The following PRR27 variants were observed in gnomAD, a reference collection of about 807,000 sequenced individuals.
PRR27 encodes proline-rich protein 27.
A neutral mutation model predicts 16.8 loss-of-function variants in PRR27; 12 were observed. The ratio of observed to expected loss-of-function variants is 0.71; its 90% CI spans 0.46 to 1.16. The LOEUF is 1.16. PRR27 is among the 50% of genes most tolerant of loss of function. The pLI, the probability that PRR27 is intolerant of heterozygous loss-of-function variation, is 0.00. For missense variants in PRR27, 277 were observed against 273.3 expected, an observed-to-expected ratio of 1.01 and a Z score of -0.10; for synonymous variants, 100 against 98.4, an observed-to-expected ratio of 1.02 and a Z score of -0.10.
rs1230581327 is a variant in PRR27 at position 70,163,717 on chromosome 4, C to G, written c.*1056C>G. 6.6e-6 allele frequency: 1 copy of G among 152,170 alleles called. No individual in the cohort carries two copies. The highest frequency in any genetic ancestry group is 1.5e-5 in the Non-Finnish European group (1 of 68,052). 9.4% of individuals were successfully genotyped at this position (152,170 alleles called of 1,614,324 possible). A position where few individuals can be genotyped will look rare whatever the true frequency, so the allele number is the denominator to read the frequency against. Reference sequence around the variant, plus strand: ...AGTCACAATCAGATGTTAAACCAAACATTATTCAGATAAGATCTCTGAAAA... The same window carrying G: ...AGTCACAATCAGATGTTAAACCAAAGATTATTCAGATAAGATCTCTGAAAA... On this transcript the variant is annotated 3_prime_UTR_variant, in exon 5 of 5. Coordinates refer to ENST00000344526, the MANE Select transcript of PRR27 (RefSeq NM_214711.4).
At chr4:70,154,468 A>G (rs1483944910) in intron 1 of PRR27, 42 bp downstream of exon 1, 3 of 1,474,582 alleles carry the variant, frequency 2.0e-6, no homozygotes, top group Admixed American at 1.7e-5. Context: ...TTGTATAACC[A>G]TTTGCTAATT....
chr4:70,160,435 C>CTG (rs1182486828), intron 3 of PRR27, among the ~76,000 whole-genome samples: 29 of 32,096 alleles, frequency 9.0e-4, no homozygotes, highest in South Asian at 4.7e-3. Context: ...CTCTCTCTCT[C>CTG]TCTCTCTCTG....
Position 70,164,153 on chromosome 4 carries a change from G to A in PRR27, c.*1492G>A, listed in dbSNP as rs1728711193. On this transcript the variant is annotated 3_prime_UTR_variant, in exon 5 of 5. Transcript: ENST00000344526. ...TTATTTGTGTATTGTCTTTGTTGTT[G>A]CCCTCATCTTATCTCCACAAAAATA... 1 of 151,876 alleles carries A rather than the reference G, an allele frequency of 6.6e-6. No homozygotes were observed. Among genetic ancestry groups the A allele is most frequent in the Admixed American group, 6.6e-5 (1 of 15,228 alleles). 9.4% of individuals were successfully genotyped at this position (151,876 alleles called of 1,614,324 possible).
Position 70,158,826 on chromosome 4 carries a change from G to A in PRR27, c.574G>A (p.Glu192Lys), listed in dbSNP as rs1728563780. 3 of 1,613,802 alleles carry A rather than the reference G, an allele frequency of 1.9e-6. No homozygotes were observed. Among genetic ancestry groups the A allele is most frequent in the Non-Finnish European group, 1.7e-6 (2 of 1,179,918 alleles). ...TGTTGGAGTGGAGCCAGCTGCAGAGGAACCTTCACCAGCTGAGCCTGCTAC... is the reference window on the plus strand; with the variant it reads ...TGTTGGAGTGGAGCCAGCTGCAGAGAAACCTTCACCAGCTGAGCCTGCTAC... The part of the protein sequence containing the change: ...APVGVEPAAE[E>K]PSPAEPATAK... Residue 192 changes from glutamate (E) to lysine (K), a missense_variant, in exon 3 of 5, where the codon GAA becomes AAA. Physicochemically the swap from Glu to Lys is moderately conservative, Grantham distance 56. Transcript: ENST00000344526.
intron 2 of PRR27, 24 bp downstream of exon 2, chr4:70,156,101 G>A (rs375158289): frequency 6.4e-5 from 84 of 1,305,926 alleles, no homozygotes; most frequent in Admixed American, 2.5e-4. Context: ...TTCTTTACAC[G>A]CAAGTATATT....
chr4:70,158,990 A>G (rs1187740099), intron 3 of PRR27, 90 bp downstream of exon 3: 3 of 1,153,120 alleles, frequency 2.6e-6, no homozygotes, highest in Non-Finnish European at 3.7e-6. Flanking sequence ...GCAAATCTAT[A>G]TCAACTTAAA....
At chr4:70,162,288 G>T (rs565260041) in intron 4 of PRR27, among the ~76,000 whole-genome samples, 1 of 152,248 alleles carries the variant, frequency 6.6e-6, no homozygotes, top group East Asian at 1.9e-4. Flanking sequence ...TTATTTCTGA[G>T]GTGACATCAC....
Position 70,158,627 on chromosome 4 carries a change from T to C in PRR27, c.375T>C (p.Ala125=). The change falls in exon 3 of 5, where the codon GCT becomes GCC. Residue 125 remains alanine (A), a synonymous_variant. Transcript: ENST00000344526. ...SRFFSAAAAP[A]APPIAAEPAA... is the part of the protein sequence containing the mutation. ...TTTTTTCAGCAGCTGCAGCACCCGC[T>C]GCCCCACCTATTGCAGCTGAGCCTG... 3.7e-6 allele frequency: 6 copies of C among 1,614,090 alleles called. No individual in the cohort carries two copies. The highest frequency in any genetic ancestry group is 5.1e-6 in the Non-Finnish European group (6 of 1,180,008).
intron 2 of PRR27, among the ~76,000 whole-genome samples, chr4:70,157,119 C>T (rs1438251615): frequency 6.6e-6 from 1 of 151,980 alleles, no homozygotes; most frequent in Non-Finnish European, 1.5e-5. Flanking sequence ...TATGTCATAC[C>T]TCAGGGGGCT....
At chr4:70,155,443 C>A (rs1353676813) in intron 1 of PRR27, among the ~76,000 whole-genome samples, 1 of 151,750 alleles carries the variant, frequency 6.6e-6, no homozygotes, top group African/African-American at 2.4e-5. Flanking sequence ...GGGCTCACTG[C>A]AAGCTCCGCC....
In PRR27 at chr4:70,158,500, G is replaced by A. The variant is rs149016682; in HGVS notation, c.248G>A (p.Gly83Glu). The change falls in exon 3 of 5, where the codon GGA (glycine) becomes GAA (glutamate). Residue 83 changes from glycine (G) to glutamate (E), a missense_variant. By Grantham distance (98) the Gly-to-Glu change is moderately conservative. Transcript: ENST00000344526. ...TATCCCTGGATTCTAACTTCTCCTG[G>A]ATTCCCCTATGTCTATCACATCCGT... ...PSYPWILTSP[G>E]FPYVYHIRGF... 13 of 1,614,096 alleles carry A rather than the reference G, an allele frequency of 8.1e-6. No individual in the cohort carries two copies. The Admixed American group carries it at 2.0e-4, about 25-fold the overall frequency.
At position 70,163,042 on chromosome 4, in the gene PRR27, T is replaced by G. The variant is rs1169743500; in HGVS notation, c.*381T>G. 1 of 152,144 alleles carries G rather than the reference T, an allele frequency of 6.6e-6. No homozygotes were observed. The highest frequency in any genetic ancestry group is 2.4e-5 in the African/African-American group (1 of 41,426). 9.4% of individuals were successfully genotyped at this position (152,144 alleles called of 1,614,324 possible). Reference sequence around the variant, plus strand: ...CAAACATATTTTGTAGTCAATGAACTTTTTGTCACAAAACAGTAAAACATC... The same window carrying G: ...CAAACATATTTTGTAGTCAATGAACGTTTTGTCACAAAACAGTAAAACATC... On this transcript the variant is annotated 3_prime_UTR_variant, in exon 5 of 5. Coordinates refer to ENST00000344526, the MANE Select transcript of PRR27 (RefSeq NM_214711.4).
Position 70,163,688 on chromosome 4 carries a change from G to A in PRR27, c.*1027G>A, listed in dbSNP as rs1183232462. 1 of 152,102 alleles carries A rather than the reference G, an allele frequency of 6.6e-6. No individual in the cohort carries two copies. Among genetic ancestry groups the A allele is most frequent in the Non-Finnish European group, 1.5e-5 (1 of 68,046 alleles). The allele number at this position is 152,102 out of a possible 1,614,324, so 9.4% of individuals were successfully genotyped here. A position where few individuals can be genotyped will look rare whatever the true frequency, so the allele number is the denominator to read the frequency against. On this transcript the variant is annotated 3_prime_UTR_variant, in exon 5 of 5. Transcript: ENST00000344526. ...CACATACACACATGCATTATCCACT[G>A]AGCAGTCACAATCAGATGTTAAACC... is the stretch of plus-strand genomic sequence containing the variant.
In PRR27 at chr4:70,158,972, C is replaced by G. The variant is rs1728569447; in HGVS notation, c.648+72C>G. On this transcript the variant is annotated intron_variant, in intron 3 of 4. Coordinates refer to ENST00000344526, the MANE Select transcript of PRR27 (RefSeq NM_214711.4). ...TGTAGAAGGGGAAAAAAAAAAACCA[C>G]TCCCCAAGCAAATCTATATCAACTT... is the stretch of plus-strand genomic sequence containing the variant. 4 of 1,345,504 alleles carry G rather than the reference C, an allele frequency of 3.0e-6. No homozygotes were observed. The South Asian group carries it at 5.6e-5, about 19-fold the overall frequency. The allele number at this position is 1,345,504 out of a possible 1,614,324, so 83.3% of individuals were successfully genotyped here.
chr4:70,156,487 T>C (rs1405423609), intron 2 of PRR27, among the ~76,000 whole-genome samples: 6 of 152,196 alleles, frequency 3.9e-5, no homozygotes, highest in Non-Finnish European at 8.8e-5. Context: ...GGGCCAGCCA[T>C]ATATTCAGGT....
Position 70,165,793 on chromosome 4 carries a change from A to G in PRR27, c.*3132A>G, listed in dbSNP as rs1239051092. The G allele has an allele frequency of 6.6e-6, 1 of 152,118 alleles. No individual in the cohort carries two copies. Among genetic ancestry groups the G allele is most frequent in the Non-Finnish European group, 1.5e-5 (1 of 67,976 alleles). 9.4% of individuals were successfully genotyped at this position (152,118 alleles called of 1,614,324 possible). ...ATTCTTATTCAGTGCTACTTTCTAC[A>G]GACAGGTAACTATTCGCATTTACGA... is the stretch of plus-strand genomic sequence containing the variant. On this transcript the variant is annotated 3_prime_UTR_variant, in exon 5 of 5. Transcript: ENST00000344526.
chr4:70,155,987 A>T (rs534840856), intron 1 of PRR27, 67 bp from the exon 2 acceptor site: 10 of 1,013,094 alleles, frequency 9.9e-6, no homozygotes, highest in Non-Finnish European at 1.3e-5. Flanking sequence ...TTTCAGCAAT[A>T]TGGAAATGTA....
chr4:70,159,373 T>G (rs1203962955), intron 3 of PRR27, among the ~76,000 whole-genome samples: 1 of 152,234 alleles, frequency 6.6e-6, no homozygotes, highest in Non-Finnish European at 1.5e-5. Flanking sequence ...ACGCCGTAAT[T>G]CATTTACCCA....
chr4:70,155,529 C>A (rs371358142), intron 1 of PRR27, among the ~76,000 whole-genome samples: 2 of 152,034 alleles, frequency 1.3e-5, no homozygotes, highest in East Asian at 1.9e-4. Flanking sequence ...CCACCACGCC[C>A]GGCTAATTTT....
Sources: allele counts gnomAD v4.1 joint callset (sites outside exome capture counted in the v4.1 genomes callset), GRCh38; gene constraint gnomAD v4.1.1; transcripts MANE v1.5; gene names NCBI Gene and HGNC (gene_info 2026-07-23, HGNC 2026-07-21).